CYP4Z1: variants seen among roughly 807,000 people sequenced by gnomAD.
CYP4Z1 encodes cytochrome P450 4Z1.
Under a neutral mutation model 54.2 loss-of-function variants are expected in CYP4Z1, and 41 were observed. That is an observed-to-expected ratio of 0.76 (90% confidence interval 0.59 to 0.98). The LOEUF is 0.98. CYP4Z1 is among the 50% of genes least tolerant of loss of function. The probability of loss-of-function intolerance (pLI) is 0.00; values close to 1 mark genes in which losing one functional copy is unlikely to be tolerated. For missense variants in CYP4Z1, 513 were observed against 599.0 expected (o/e 0.86, Z 1.50); for synonymous variants, 163 against 206.2 (o/e 0.79, Z 1.79).
chr1:47,098,252 A>G (rs1324770818), intron 7 of CYP4Z1, among the ~76,000 whole-genome samples: 8 of 152,254 alleles, frequency 5.3e-5, no homozygotes, highest in Non-Finnish European at 1.2e-4. Context: ...ATCCATGAGC[A>G]TGGAATGCTT....
rs775191238 is a variant in CYP4Z1, at chr1:47,106,119, T to C, written c.1068-9T>C. On this transcript the variant is annotated splice_polypyrimidine_tract_variant and intron_variant, in intron 8 of 11. Transcript: ENST00000334194. ...CCTCCTTTTCCTTTCCTCCTGTGCT[T>C]CTACCCAGGGAACACCTGAGCCAGA... is the stretch of plus-strand genomic sequence containing the variant. 13 of 1,609,650 alleles carry C rather than the reference T, an allele frequency of 8.1e-6. No homozygotes were observed. The Admixed American group carries it at 1.2e-4, about 15-fold the overall frequency.
intron 9 of CYP4Z1, among the ~76,000 whole-genome samples, chr1:47,109,139 A>T (rs2148540986): frequency 6.6e-6 from 1 of 152,302 alleles, no homozygotes. Context: ...TCCTACTTAT[A>T]CACATACACT....
chr1:47,103,507 C>T (rs1205141382), intron 8 of CYP4Z1, among the ~76,000 whole-genome samples: 2 of 151,682 alleles, frequency 1.3e-5, no homozygotes, highest in Admixed American at 6.6e-5. Context: ...ATTTCTCACT[C>T]ATATCCTGAA....
intron 7 of CYP4Z1, among the ~76,000 whole-genome samples, chr1:47,095,753 A>C (rs907437508): frequency 7.9e-5 from 12 of 152,230 alleles, no homozygotes; most frequent in African/African-American, 2.9e-4. Context: ...TAACAAAGCC[A>C]GGATTTAAGA....
chr1:47,114,243 T>C (rs1328572444), intron 9 of CYP4Z1, among the ~76,000 whole-genome samples: 5 of 152,272 alleles, frequency 3.3e-5, no homozygotes, highest in Admixed American at 6.5e-5. Flanking sequence ...GCTAGCCATA[T>C]GCAGAAAGCT....
chr1:47,057,335 A>AAAAATATATAT, the CYP4Z1 span, among the ~76,000 whole-genome samples: 7 of 28,488 alleles, frequency 2.5e-4, no homozygotes, highest in African/African-American at 6.4e-4. Context: ...AAGAAAAAAA[A>AAAAATATATAT]ATATATATAT....
intron 2 of CYP4Z1, among the ~76,000 whole-genome samples, chr1:47,078,146 T>C (rs764990949): frequency 4.8e-4 from 73 of 152,318 alleles, no homozygotes; most frequent in African/African-American, 1.7e-3. Flanking sequence ...CTCTTTGCTC[T>C]TCTGGGACTC....
chr1:47,098,742 T>G (rs1644698640), intron 7 of CYP4Z1, among the ~76,000 whole-genome samples: 1 of 152,204 alleles, frequency 6.6e-6, no homozygotes, highest in African/African-American at 2.4e-5. Context: ...TTCCCTATTT[T>G]TGGCCACTTG....
chr1:47,067,104 T>A (rs1644455461), upstream of CYP4Z1, among the ~76,000 whole-genome samples: 1 of 151,976 alleles, frequency 6.6e-6, no homozygotes, highest in Admixed American at 6.6e-5. Context: ...ATCAGAAACA[T>A]AAACAAAAAA....
intron 6 of CYP4Z1, among the ~76,000 whole-genome samples, chr1:47,086,517 C>G (rs901432716): frequency 6.6e-6 from 1 of 152,158 alleles, no homozygotes; most frequent in Non-Finnish European, 1.5e-5. Flanking sequence ...TGTTCATATC[C>G]TTTGCCCACT....
chr1:47,099,718 C>T (rs1012239484), intron 8 of CYP4Z1, among the ~76,000 whole-genome samples: 2 of 152,146 alleles, frequency 1.3e-5, no homozygotes, highest in Non-Finnish European at 2.9e-5. Flanking sequence ...TTATCACCAT[C>T]TCTGAACCTT....
chr1:47,086,685 C>G (rs150188639), intron 6 of CYP4Z1, among the ~76,000 whole-genome samples: 2,833 of 152,272 alleles, frequency 0.019, 50 homozygotes, highest in Non-Finnish European at 0.025. Flanking sequence ...TGTGCAGAAG[C>G]TCTTTAGTTT....
intron 3 of CYP4Z1, among the ~76,000 whole-genome samples, chr1:47,082,028 G>T (rs1644558395): frequency 6.7e-6 from 1 of 150,122 alleles, no homozygotes; most frequent in African/African-American, 2.5e-5. Flanking sequence ...CAAGGAATCT[G>T]CCTCTAGCAA....
At position 47,115,532 on chromosome 1, in the gene CYP4Z1, T is replaced by G. The variant is rs1215297611; in HGVS notation, c.1205T>G (p.Ile402Arg). 6.2e-7 allele frequency: 1 copy of G among 1,613,112 alleles called. No individual in the cohort carries two copies. Among genetic ancestry groups the G allele is most frequent in the South Asian group, 1.1e-5 (1 of 91,024 alleles). Residue 402 changes from isoleucine (I) to arginine (R), a missense_variant, in exon 10 of 12, where the codon ATA becomes AGA. Ile to Arg is a moderately conservative substitution (Grantham distance 97, BLOSUM62 -3). Transcript: ENST00000334194. ...GCTTTTTCTTCTGTTTACTCAGGAATAACTGTGTTTATCAATATTTGGGCT... is the reference window on the plus strand; with the variant it reads ...GCTTTTTCTTCTGTTTACTCAGGAAGAACTGTGTTTATCAATATTTGGGCT... ...FPDGRSLPAG[I>R]TVFINIWALH...
the CYP4Z1 span, among the ~76,000 whole-genome samples, chr1:47,056,306 C>G: frequency 6.6e-6 from 1 of 152,084 alleles, no homozygotes; most frequent in Non-Finnish European, 1.5e-5. Context: ...AATTTCTGTT[C>G]TTTTACATTT....
chr1:47,116,188 AACTTCAGCTTGTG>A (rs977169198), intron 10 of CYP4Z1, among the ~76,000 whole-genome samples: 106 of 152,162 alleles, frequency 7.0e-4, no homozygotes, highest in Non-Finnish European at 1.0e-3. Flanking sequence ...GAAGCTGAAC[AACTTCAGCTTGTG>A]ACTTCAGCTT....
At chr1:47,064,975 T>C (rs1484514664), upstream of CYP4Z1, among the ~76,000 whole-genome samples, 4 of 152,154 alleles carry the variant, frequency 2.6e-5, no homozygotes, top group Non-Finnish European at 5.9e-5. Context: ...GATAAAAGGA[T>C]TAGTCCAACA....
rs563115710 is a variant in CYP4Z1, at chr1:47,094,457, G to A, written c.773-109G>A. 3.3e-5 allele frequency: 23 copies of A among 695,786 alleles called. No individual in the cohort carries two copies. The African/African-American group carries it at 3.5e-4, about 11-fold the overall frequency. The allele number at this position is 695,786 out of a possible 1,614,324, so 43.1% of individuals were successfully genotyped here. On this transcript the variant is annotated intron_variant, in intron 6 of 11. Coordinates refer to ENST00000334194, the MANE Select transcript of CYP4Z1 (RefSeq NM_178134.3). ...TACCAACTCAGGAACATTGGGTGGGGGGCAGCCAGGGGCTACCGATAAAGC... is the reference window on the plus strand; with the variant it reads ...TACCAACTCAGGAACATTGGGTGGGAGGCAGCCAGGGGCTACCGATAAAGC...
chr1:47,108,719 G>A (rs988692875), intron 9 of CYP4Z1, among the ~76,000 whole-genome samples: 2 of 152,138 alleles, frequency 1.3e-5, no homozygotes, highest in African/African-American at 4.8e-5. Flanking sequence ...TTTGTTCTGA[G>A]CATACTATGA....
Sources: gnomAD v4.1 joint callset for allele counts (sites outside exome capture counted in the v4.1 genomes callset) on GRCh38, gnomAD v4.1.1 for gene constraint, MANE v1.5 for transcripts, NCBI Gene and HGNC (gene_info 2026-07-23, HGNC 2026-07-21) for gene names.